The following SPAG16 variants were observed in gnomAD, a reference collection of about 807,000 sequenced individuals.
The protein encoded by SPAG16 is sperm associated antigen 16.
Under a neutral mutation model 80.4 loss-of-function variants are expected in SPAG16, and 86 were observed. That is an observed-to-expected ratio of 1.07 (90% CI 0.90 to 1.28). The LOEUF (loss-of-function observed/expected upper bound fraction) is 1.28. Ranked by LOEUF, SPAG16 falls within the 50% of genes most tolerant of loss-of-function variation. The pLI, the probability that SPAG16 is intolerant of heterozygous loss-of-function variation, is 0.00. For missense variants in SPAG16, 870 were observed against 765.3 expected, an observed-to-expected ratio of 1.14 and a Z score of -1.61; for synonymous variants, 294 against 265.9, an observed-to-expected ratio of 1.11 and a Z score of -1.03.
intron 15 of SPAG16, among the ~76,000 whole-genome samples, chr2:214,326,907 T>C (rs1049267954): frequency 7.8e-6 from 1 of 127,828 alleles, no homozygotes; most frequent in Non-Finnish European, 1.5e-5. Context: ...ATTGCACCAC[T>C]GCGCTCCAGC....
At chr2:213,661,235 T>G (rs2063416278) in intron 10 of SPAG16, among the ~76,000 whole-genome samples, 1 of 152,238 alleles carries the variant, frequency 6.6e-6, no homozygotes, top group Non-Finnish European at 1.5e-5. Flanking sequence ...TTGTAGAATA[T>G]GCCTCCATAG....
chr2:213,468,698 A>G lies in SPAG16; in HGVS notation c.943-21265A>G, dbSNP rs963581419. Among the ~76,000 whole-genome samples the G allele has an allele frequency of 3.4e-5, 5 of 148,022 alleles. 1 individual carries two copies. Among genetic ancestry groups the G allele is most frequent in the South Asian group, 4.2e-4 (2 of 4,752 alleles). On this transcript the variant is annotated intron_variant, in intron 9 of 15. Coordinates refer to ENST00000331683, the MANE Select transcript of SPAG16 (RefSeq NM_024532.5). ...TATATATGTGTGTGTATATGTGTGT[A>G]TATATATATCTGTGTATATATATGT...
At chr2:214,012,938 G>C (rs1386547095) in intron 12 of SPAG16, among the ~76,000 whole-genome samples, 7 of 152,178 alleles carry the variant, frequency 4.6e-5, no homozygotes, top group Non-Finnish European at 8.8e-5. Context: ...GCCTCCTCCA[G>C]AGTTTCTGAT....
intron 15 of SPAG16, among the ~76,000 whole-genome samples, chr2:214,287,018 G>C (rs1254268580): frequency 6.6e-6 from 1 of 152,124 alleles, no homozygotes; most frequent in Admixed American, 6.5e-5. Flanking sequence ...GATTAATAAA[G>C]TTCTTCAGGA....
intron 6 of SPAG16, among the ~76,000 whole-genome samples, chr2:213,347,834 G>T (rs1368102113): frequency 1.3e-5 from 2 of 152,148 alleles, no homozygotes; most frequent in Non-Finnish European, 2.9e-5. Flanking sequence ...AATAAGTACG[G>T]TGTGGTGCTG....
intron 10 of SPAG16, among the ~76,000 whole-genome samples, chr2:213,848,994 C>T (rs930974585): frequency 1.3e-5 from 2 of 151,928 alleles, no homozygotes; most frequent in Non-Finnish European, 2.9e-5. Context: ...AATTCCAAAC[C>T]TTATGGGTTT....
intron 11 of SPAG16, among the ~76,000 whole-genome samples, chr2:213,910,488 C>CTTTTT (rs746294933): frequency 1.2e-5 from 1 of 82,310 alleles, no homozygotes; most frequent in Non-Finnish European, 3.1e-5. Context: ...TGTAAGAATT[C>CTTTTT]TTTTTTTTTT....
chr2:213,712,008 C>A (rs1251669134), intron 10 of SPAG16, among the ~76,000 whole-genome samples: 2 of 151,938 alleles, frequency 1.3e-5, no homozygotes, highest in Non-Finnish European at 2.9e-5. Context: ...CCAGGAGGCA[C>A]CATTCTCATT....
At chr2:214,290,799 C>T (rs1221156491) in intron 15 of SPAG16, among the ~76,000 whole-genome samples, 2 of 152,134 alleles carry the variant, frequency 1.3e-5, no homozygotes. Flanking sequence ...GTGTCCCAAA[C>T]TATGGTTTAT....
At chr2:213,730,734 G>A (rs764171430) in intron 10 of SPAG16, among the ~76,000 whole-genome samples, 4 of 152,146 alleles carry the variant, frequency 2.6e-5, no homozygotes, top group Non-Finnish European at 5.9e-5. Context: ...GGAAGTTCTA[G>A]CCATTATTTC....
At chr2:213,654,353 T>TTTTGTTTG (rs10611901) in intron 10 of SPAG16, among the ~76,000 whole-genome samples, 1 of 150,452 alleles carries the variant, frequency 6.6e-6, no homozygotes, top group African/African-American at 2.4e-5. Flanking sequence ...CATCTATTGT[T>TTTTGTTTG]TTTGTTTGTT....
At chr2:213,588,808 CAAAAAAAAAAAAAAAAAAAAAA>C (rs59813410) in intron 10 of SPAG16, among the ~76,000 whole-genome samples, 4 of 28,952 alleles carry the variant, frequency 1.4e-4, no homozygotes, top group African/African-American at 2.4e-4. Flanking sequence ...GACTCCGTCT[CAAAAAAAAAAAAAAAAAAAAAA>C]AAAAAAAAAA....
At chr2:214,016,321 C>T (rs144492253) in intron 13 of SPAG16, among the ~76,000 whole-genome samples, 1 of 152,258 alleles carries the variant, frequency 6.6e-6, no homozygotes, top group Non-Finnish European at 1.5e-5. Context: ...TGCAAGAGAG[C>T]ATGTGCCGGG....
At chr2:214,050,912 C>T (rs1164845357) in intron 13 of SPAG16, among the ~76,000 whole-genome samples, 2 of 152,182 alleles carry the variant, frequency 1.3e-5, no homozygotes, top group East Asian at 3.8e-4. Flanking sequence ...CCTGGTAGAA[C>T]ACTCTTGCAC....
intron 10 of SPAG16, among the ~76,000 whole-genome samples, chr2:213,653,676 T>C (rs1443121050): frequency 6.6e-6 from 1 of 152,178 alleles, no homozygotes; most frequent in East Asian, 1.9e-4. Flanking sequence ...CTCTCAAAAT[T>C]GTATAAAAGT....
intron 9 of SPAG16, among the ~76,000 whole-genome samples, chr2:213,441,482 AG>A (rs2070951664): frequency 6.6e-6 from 1 of 152,216 alleles, no homozygotes; most frequent in Non-Finnish European, 1.5e-5. Context: ...CAAGAGGTAA[AG>A]GGGTAGTGAC....
chr2:213,974,127 G>T (rs2045233837), intron 12 of SPAG16, among the ~76,000 whole-genome samples: 1 of 152,068 alleles, frequency 6.6e-6, no homozygotes, highest in Admixed American at 6.6e-5. Context: ...TGTTTTATGA[G>T]TATGTAGGCT....
At chr2:213,695,282 C>G (rs758900042) in intron 10 of SPAG16, among the ~76,000 whole-genome samples, 1 of 152,196 alleles carries the variant, frequency 6.6e-6, no homozygotes, top group African/African-American at 2.4e-5. Context: ...TAAATTTCTT[C>G]ACTTACCTCA....
chr2:214,400,231 A>G (rs561230166), intron 15 of SPAG16, among the ~76,000 whole-genome samples: 1 of 152,116 alleles, frequency 6.6e-6, no homozygotes, highest in East Asian at 1.9e-4. Flanking sequence ...ATATATTCAC[A>G]TGCTATAGTT....
Sources: gnomAD v4.1 joint callset for allele counts (sites outside exome capture counted in the v4.1 genomes callset) on GRCh38, gnomAD v4.1.1 for gene constraint, MANE v1.5 for transcripts, NCBI Gene and HGNC (gene_info 2026-07-23, HGNC 2026-07-21) for gene names.